The following OTOA variants were observed in gnomAD, a reference collection of about 807,000 sequenced individuals.
The protein encoded by OTOA is otoancorin, also known as cancer/testis antigen 108.
OTOA carries 70 observed loss-of-function variants against 110.8 expected under a neutral mutation model. The observed-to-expected ratio is 0.63, with a 90% CI of 0.52 to 0.77. The LOEUF (loss-of-function observed/expected upper bound fraction) is 0.77. Among genes scored for constraint, OTOA ranks in the 30% least tolerant of loss-of-function variants. OTOA has a pLI of 0.00. For missense variants in OTOA, 917 were observed against 1,075.8 expected, an observed-to-expected ratio of 0.85 and a Z score of 2.06; for synonymous variants, 373 against 431.5, an observed-to-expected ratio of 0.86 and a Z score of 1.68.
At chr16:21,724,368 G>A (rs551069573) in intron 18 of OTOA, among the ~76,000 whole-genome samples, 125 of 152,284 alleles carry the variant, frequency 8.2e-4, no homozygotes, top group Non-Finnish European at 1.6e-3. Flanking sequence ...GAATGGGGAT[G>A]TCCGGTTCAG....
At chr16:21,695,891 A>ATATATATATATATATATTT (rs569493650) in intron 9 of OTOA, among the ~76,000 whole-genome samples, 1 of 41,904 alleles carries the variant, frequency 2.4e-5, no homozygotes, top group African/African-American at 1.5e-4. Flanking sequence ...ATATATATAT[A>ATATATATATATATATATTT]TTTTTTTTTT....
At chr16:21,690,690 A>G (rs1897811844) in intron 8 of OTOA, among the ~76,000 whole-genome samples, 1 of 151,926 alleles carries the variant, frequency 6.6e-6, no homozygotes, top group South Asian at 2.1e-4. Flanking sequence ...TGATTTATAT[A>G]TTTTTGGGTA....
Position 21,736,250 on chromosome 16 carries a change from C to T in OTOA, c.2302-11C>T. 6.2e-7 allele frequency: 1 copy of T among 1,609,562 alleles called. No homozygotes were observed. The highest frequency in any genetic ancestry group is 8.5e-7 in the Non-Finnish European group (1 of 1,175,914). ...ATTATTATTCCTCTTCTTTCATCTT[C>T]TTTCACACAGTTTCCTGAGATCCTT... On this transcript the variant is annotated splice_polypyrimidine_tract_variant and intron_variant, in intron 21 of 28. Transcript: ENST00000646100.
intron 5 of OTOA, among the ~76,000 whole-genome samples, chr16:21,680,617 C>A (rs2141654391): frequency 6.6e-6 from 1 of 152,174 alleles, no homozygotes; most frequent in Non-Finnish European, 1.5e-5. Flanking sequence ...CTTTGGGAGG[C>A]CAAGGTAGGA....
intron 13 of OTOA, among the ~76,000 whole-genome samples, chr16:21,713,745 C>T (rs537479578): frequency 4.5e-4 from 69 of 152,292 alleles, no homozygotes; most frequent in African/African-American, 1.3e-3. Flanking sequence ...CCAATGCCCA[C>T]GCACTCCCAC....
In OTOA at chr16:21,697,999, C is replaced by T. The variant is rs577572245; in HGVS notation, c.840+124C>T. On this transcript the variant is annotated intron_variant, in intron 10 of 28. Transcript: ENST00000646100. ...TTGGAAATTGTGTACCCTCCTCAGCCCAATAGACCTTGGGCCTCTGAAGAA... is the reference window on the plus strand; with the variant it reads ...TTGGAAATTGTGTACCCTCCTCAGCTCAATAGACCTTGGGCCTCTGAAGAA... The T allele has an allele frequency of 4.9e-6, 4 of 812,532 alleles. No individual in the cohort carries two copies. The South Asian group carries it at 5.7e-5, about 12-fold the overall frequency. 50.3% of individuals were successfully genotyped at this position (812,532 alleles called of 1,614,324 possible). A position where few individuals can be genotyped will look rare whatever the true frequency, so the allele number is the denominator to read the frequency against.
At chr16:21,715,515 A>G (rs1367210259) in intron 14 of OTOA, among the ~76,000 whole-genome samples, 1 of 149,360 alleles carries the variant, frequency 6.7e-6, no homozygotes, top group African/African-American at 2.5e-5. Flanking sequence ...AGCTCACCAC[A>G]GTCTCCTGGG....
chr16:21,690,762 C>T (rs1005405400), intron 8 of OTOA, among the ~76,000 whole-genome samples: 3 of 151,552 alleles, frequency 2.0e-5, no homozygotes, highest in Non-Finnish European at 4.4e-5. Flanking sequence ...TCTGAGGAAT[C>T]GCTACACTGT....
intron 1 of OTOA, among the ~76,000 whole-genome samples, chr16:21,676,734 T>C (rs536101568): frequency 6.6e-6 from 1 of 152,234 alleles, no homozygotes; most frequent in Non-Finnish European, 1.5e-5. Context: ...ATTCTTCTTA[T>C]GGATTCTAGC....
chr16:21,687,596 G>A lies in OTOA; in HGVS notation c.583G>A (p.Asp195Asn), dbSNP rs528973929. ...RGSSGSFLQP[D>N]ITERLPRDLR... is the part of the protein sequence containing the mutation. The stretch of plus-strand genomic sequence containing the variant: ...GTCCTCAGGGAGCTTTCTCCAGCCA[G>A]ACATCACAGAGCGGCTCCCTCGGGA... Residue 195 changes from aspartate (D) to asparagine (N), a missense_variant, in exon 8 of 29, where the codon GAC becomes AAC. Transcript: ENST00000646100. 1.2e-6 allele frequency: 2 copies of A among 1,613,810 alleles called. No homozygotes were observed. Among genetic ancestry groups the A allele is most frequent in the Non-Finnish European group, 1.7e-6 (2 of 1,179,926 alleles).
chr16:21,699,920 A>AAAAAAT (rs946608562), intron 10 of OTOA, among the ~76,000 whole-genome samples: 270 of 152,094 alleles, frequency 1.8e-3, no homozygotes, highest in African/African-American at 3.8e-3. Context: ...CTCCATCTCA[A>AAAAAAT]AAAAATAAAA....
chr16:21,706,418 G>T (rs1284522086), intron 12 of OTOA, among the ~76,000 whole-genome samples: 1 of 152,172 alleles, frequency 6.6e-6, no homozygotes, highest in East Asian at 1.9e-4. Flanking sequence ...CCTGCCAGGT[G>T]CCACCCTCAG....
At chr16:21,681,182 C>T (rs958627275) in intron 5 of OTOA, among the ~76,000 whole-genome samples, 8 of 152,070 alleles carry the variant, frequency 5.3e-5, no homozygotes, top group African/African-American at 1.9e-4. Flanking sequence ...CAGATTGTTA[C>T]GGGAATTAGA....
At chr16:21,679,630 C>T (rs1262065618) in intron 5 of OTOA, among the ~76,000 whole-genome samples, 6 of 152,120 alleles carry the variant, frequency 3.9e-5, no homozygotes, top group Non-Finnish European at 7.4e-5. Context: ...GTCTCAAACT[C>T]CTGACCTCAG....
At chr16:21,721,664 G>A in intron 17 of OTOA, 1 of 352,932 alleles carries the variant, frequency 2.8e-6, no homozygotes, top group South Asian at 2.1e-5. Context: ...TGAAGTGGGA[G>A]GTTCATTTGA....
At chr16:21,722,838 C>A in intron 17 of OTOA, 67 bp from the exon 18 acceptor site, 1 of 1,400,178 alleles carries the variant, frequency 7.1e-7, no homozygotes, top group Non-Finnish European at 1.0e-6. Context: ...GTACCTGGCA[C>A]ATGGAAAGCA....
Position 21,719,386 on chromosome 16 carries a change from G to T in OTOA, c.1689-1G>T, listed in dbSNP as rs1486857566. Reference sequence around the variant, plus strand: ...CCCGAGTGCCTTGTTTTGTTTTCTAGTGCTGGGCAGCTGGTCAAAGGCGTG... The same window carrying T: ...CCCGAGTGCCTTGTTTTGTTTTCTATTGCTGGGCAGCTGGTCAAAGGCGTG... On this transcript the variant is annotated splice_acceptor_variant, in intron 16 of 28. Transcript: ENST00000646100. LOFTEE classifies it high-confidence loss of function. 2 of 1,613,658 alleles carry T rather than the reference G, an allele frequency of 1.2e-6. No individual in the cohort carries two copies. The highest frequency in any genetic ancestry group is 2.2e-5 in the East Asian group (1 of 44,876).
rs1473441598 is a variant in OTOA at position 21,714,335 on chromosome 16, T to TCC, written c.1321-650_1321-649insCC. Among the ~76,000 whole-genome samples, 1,063 of 130,968 alleles carry TCC rather than the reference T, an allele frequency of 8.1e-3. 7 individuals carry two copies. The highest frequency in any genetic ancestry group is 0.012 in the African/African-American group (455 of 38,050). The allele number at this position is 130,968 out of a possible 152,430, so 85.9% of individuals were successfully genotyped here. A position where few individuals can be genotyped will look rare whatever the true frequency, so the allele number is the denominator to read the frequency against. The stretch of plus-strand genomic sequence containing the variant: ...TTCCTTCCTTCCTTCCTTCCTTCCT[T>TCC]TCTTTCTTTCTTTCTTTCCTTCTCT... On this transcript the variant is annotated intron_variant, in intron 13 of 28. Transcript: ENST00000646100.
At chr16:21,697,942 ACT>A in intron 10 of OTOA, 67 bp downstream of exon 10, 1 of 1,356,602 alleles carries the variant, frequency 7.4e-7, no homozygotes, top group Non-Finnish European at 1.1e-6. Flanking sequence ...GTATTCTCAA[ACT>A]CTAATGTTCA....
Sources: allele counts gnomAD v4.1 joint callset (sites outside exome capture counted in the v4.1 genomes callset), GRCh38; gene constraint gnomAD v4.1.1; transcripts MANE v1.5; gene names NCBI Gene and HGNC (gene_info 2026-07-23, HGNC 2026-07-21).